GNG12: variants seen among roughly 807,000 people sequenced by gnomAD.
The protein encoded by GNG12 is G protein subunit gamma 12.
For missense variants in GNG12, 69 were observed against 83.8 expected (o/e 0.82, Z 0.69); for synonymous variants, 28 against 29.7 (o/e 0.94, Z 0.19).
At chr1:67,799,668 T>C (rs1255974554) in intron 1 of GNG12, among the ~76,000 whole-genome samples, 1 of 152,200 alleles carries the variant, frequency 6.6e-6, no homozygotes, top group Non-Finnish European at 1.5e-5. Flanking sequence ...ATTACTAGCT[T>C]AATCTGATAT....
chr1:67,802,074 C>G (rs540940451), intron 1 of GNG12, among the ~76,000 whole-genome samples: 1 of 151,994 alleles, frequency 6.6e-6, no homozygotes, highest in Non-Finnish European at 1.5e-5. Flanking sequence ...ATCTATAAGC[C>G]CTGCTTGTGG....
chr1:67,817,920 A>T (rs926225405), intron 1 of GNG12, among the ~76,000 whole-genome samples: 2 of 150,706 alleles, frequency 1.3e-5, no homozygotes, highest in Non-Finnish European at 2.9e-5. Flanking sequence ...CTGAGTAGCT[A>T]GGACTACAGG....
At chr1:67,777,015 G>C (rs988055257) in intron 2 of GNG12, 1 of 152,088 alleles carries the variant, frequency 6.6e-6, no homozygotes, top group Non-Finnish European at 1.5e-5. Context: ...ATTTAGGTGA[G>C]ATGAGAGATG....
chr1:67,759,027 A>C (rs753591810), intron 2 of GNG12, among the ~76,000 whole-genome samples: 8 of 152,228 alleles, frequency 5.3e-5, no homozygotes, highest in Non-Finnish European at 1.0e-4. Context: ...AGCTAAAAAA[A>C]TGTGCAATGT....
At chr1:67,768,338 C>T (rs1284449188) in intron 2 of GNG12, among the ~76,000 whole-genome samples, 5 of 152,148 alleles carry the variant, frequency 3.3e-5, no homozygotes, top group Admixed American at 3.3e-4. Flanking sequence ...AGTCCCTGTG[C>T]CATGCTGCCT....
intron 2 of GNG12, among the ~76,000 whole-genome samples, chr1:67,756,139 A>G (rs1646566950): frequency 6.6e-6 from 1 of 152,208 alleles, no homozygotes; most frequent in Non-Finnish European, 1.5e-5. Flanking sequence ...AAAAGAGTGC[A>G]GTAAATGTTA....
chr1:67,730,827 C>G (rs866737666), intron 2 of GNG12, among the ~76,000 whole-genome samples: 9 of 152,146 alleles, frequency 5.9e-5, no homozygotes, highest in African/African-American at 1.2e-4. Context: ...GCCCAGGAAC[C>G]CTTTTCAATA....
In GNG12 at chr1:67,828,589, A is replaced by C. The variant is rs559230762; in HGVS notation, c.-77+4755T>G. 2.0e-5 allele frequency among the ~76,000 whole-genome samples: 3 copies of C among 152,326 alleles called. No homozygotes were observed. In the South Asian group the frequency reaches 6.2e-4, roughly 32 times the overall value. On this transcript the variant is annotated intron_variant, in intron 1 of 3. Transcript: ENST00000370982. Reference sequence around the variant, plus strand: ...TATATAATATATACAATTGTGCTGTAATTAGTTTTTATCTATCCAACCTTC... The same window carrying C: ...TATATAATATATACAATTGTGCTGTCATTAGTTTTTATCTATCCAACCTTC...
intron 2 of GNG12, chr1:67,772,756 T>G (rs1390205906): frequency 6.6e-6 from 1 of 152,256 alleles, no homozygotes; most frequent in African/African-American, 2.4e-5. Flanking sequence ...ATGCTGCTTA[T>G]TGTCTACTGC....
chr1:67,818,068 T>C (rs964467630), intron 1 of GNG12, among the ~76,000 whole-genome samples: 1 of 152,174 alleles, frequency 6.6e-6, no homozygotes, highest in African/African-American at 2.4e-5. Flanking sequence ...ATTACAGGTG[T>C]GAGCCACTGC....
chr1:67,779,828 G>A (rs945818615), intron 1 of GNG12, among the ~76,000 whole-genome samples: 1 of 152,170 alleles, frequency 6.6e-6, no homozygotes, highest in Non-Finnish European at 1.5e-5. Context: ...AACCTAGAGG[G>A]TACAGCCTAC....
intron 2 of GNG12, among the ~76,000 whole-genome samples, chr1:67,715,467 G>A (rs1283215792): frequency 6.6e-6 from 1 of 152,206 alleles, no homozygotes; most frequent in Non-Finnish European, 1.5e-5. Flanking sequence ...GCAGGTAGAA[G>A]TGAGGAGGCC....
chr1:67,729,412 A>T (rs1427070790), intron 2 of GNG12, among the ~76,000 whole-genome samples: 1 of 152,230 alleles, frequency 6.6e-6, no homozygotes, highest in African/African-American at 2.4e-5. Flanking sequence ...CTAATAAAAT[A>T]GCTTTTATTA....
At chr1:67,792,158 A>C (rs985561275) in intron 1 of GNG12, among the ~76,000 whole-genome samples, 8 of 151,466 alleles carry the variant, frequency 5.3e-5, no homozygotes, top group Admixed American at 2.6e-4. Flanking sequence ...CCTTCCTGGC[A>C]CTCTATTTTC....
chr1:67,712,552 G>C (rs1223557388), intron 2 of GNG12, among the ~76,000 whole-genome samples: 1 of 152,122 alleles, frequency 6.6e-6, no homozygotes, highest in Non-Finnish European at 1.5e-5. Context: ...TAATTGCCAG[G>C]AGTGGTGGCA....
At chr1:67,823,867 T>C (rs1392009617) in intron 1 of GNG12, among the ~76,000 whole-genome samples, 2 of 152,162 alleles carry the variant, frequency 1.3e-5, no homozygotes, top group Non-Finnish European at 2.9e-5. Context: ...CTGTTTGTAA[T>C]AGCAAAAGAC....
chr1:67,706,660 T>C (rs140835212), intron 3 of GNG12, among the ~76,000 whole-genome samples: 7 of 52,150 alleles, frequency 1.3e-4, no homozygotes, highest in East Asian at 1.2e-3. Context: ...TTCTTTCTTT[T>C]TTTTTTTTTT....
At position 67,707,613 on chromosome 1, in the gene GNG12, G is replaced by T; in HGVS notation, c.74C>A (p.Ala25Asp). 6.3e-7 allele frequency: 1 copy of T among 1,587,918 alleles called. No individual in the cohort carries two copies. Among genetic ancestry groups the T allele is most frequent in the Non-Finnish European group, 8.6e-7 (1 of 1,160,054 alleles). Residue 25 changes from alanine to aspartate, a missense_variant, in exon 3 of 4, where the codon GCC becomes GAC. Physicochemically the swap from Ala to Asp is moderately radical, Grantham distance 126 (BLOSUM62 -2). Transcript: ENST00000370982. ...RRTVQQLRLE[A>D]SIERIKVSKA... Reference sequence around the variant, plus strand: ...TCTTACCTTTATTCTTTCAATGGAGGCTTCTAATCTTAACTGCTGCACAGT... The same window carrying T: ...TCTTACCTTTATTCTTTCAATGGAGTCTTCTAATCTTAACTGCTGCACAGT...
chr1:67,787,079 C>CCT (rs1306590460), intron 1 of GNG12, among the ~76,000 whole-genome samples: 4 of 118,004 alleles, frequency 3.4e-5, no homozygotes, highest in Admixed American at 8.8e-5. Context: ...GTATAGTCCC[C>CCT]CTCCTCAAGG....
Sources: gnomAD v4.1 joint callset for allele counts (sites outside exome capture counted in the v4.1 genomes callset) on GRCh38, gnomAD v4.1.1 for gene constraint, MANE v1.5 for transcripts, NCBI Gene and HGNC (gene_info 2026-07-23, HGNC 2026-07-21) for gene names.